Variants in TRAPPC8 observed in about 807,000 individuals in gnomAD.
TRAPPC8 encodes the protein general sporulation gene 1 homolog.
A neutral mutation model predicts 174.3 loss-of-function variants in TRAPPC8; 54 were observed. The ratio of observed to expected loss-of-function variants is 0.31; its 90% confidence interval spans 0.25 to 0.39. The LOEUF is 0.39. Among genes scored for constraint, TRAPPC8 ranks in the 10% least tolerant of loss-of-function variants. The pLI is 1.00. For missense variants in TRAPPC8, 1,531 were observed against 1,699.1 expected, an observed-to-expected ratio of 0.90 and a Z score of 1.74; for synonymous variants, 630 against 579.9, an observed-to-expected ratio of 1.09 and a Z score of -1.24.
At position 31,871,123 on chromosome 18, in the gene TRAPPC8, A is replaced by G; in HGVS notation, c.2063-3T>C. 6.7e-7 allele frequency: 1 copy of G among 1,487,722 alleles called. No individual in the cohort carries two copies. The highest frequency in any genetic ancestry group is 9.0e-7 in the Non-Finnish European group (1 of 1,105,948). 92.2% of individuals were successfully genotyped at this position (1,487,722 alleles called of 1,614,324 possible). A position where few individuals can be genotyped will look rare whatever the true frequency, so the allele number is the denominator to read the frequency against. On this transcript the variant is annotated splice_region_variant and splice_polypyrimidine_tract_variant and intron_variant, in intron 14 of 28. Coordinates refer to ENST00000283351, the MANE Select transcript of TRAPPC8 (RefSeq NM_014939.5). ...ATGAGTAGCTGCTTGTTTTTCACCT[A>G]AAAAAAATTTGTTAACAACACGTTT...
In TRAPPC8 at chr18:31,863,218, A is replaced by G. The variant is rs575727357; in HGVS notation, c.2745+1409T>C. Among the ~76,000 whole-genome samples the G allele has an allele frequency of 3.9e-5, 6 of 152,268 alleles. No individual in the cohort carries two copies. In the East Asian group the frequency reaches 5.8e-4, roughly 15 times the overall value. On this transcript the variant is annotated intron_variant, in intron 19 of 28. Transcript: ENST00000283351. ...TGCAAACATTAAAAAACAAAAACTG[A>G]TATTATCCAGAATGACACAGATGTA...
intron 24 of TRAPPC8, 118 bp downstream of exon 24, chr18:31,852,328 C>T (rs749075455): frequency 1.1e-5 from 12 of 1,113,030 alleles, no homozygotes; most frequent in Middle Eastern, 3.0e-4. Flanking sequence ...CAGAGCAAGA[C>T]CTTGTCTCCC....
At chr18:31,885,329 C>G (rs2035656267) in intron 12 of TRAPPC8, among the ~76,000 whole-genome samples, 1 of 152,076 alleles carries the variant, frequency 6.6e-6, no homozygotes, top group African/African-American at 2.4e-5. Context: ...TTGGGACAAT[C>G]TACAAAAATA....
intron 9 of TRAPPC8, among the ~76,000 whole-genome samples, chr18:31,902,598 T>C (rs1207365188): frequency 6.6e-6 from 1 of 152,160 alleles, no homozygotes; most frequent in Non-Finnish European, 1.5e-5. Context: ...ACAGTTTTGG[T>C]TGTGGTATCA....
At chr18:31,917,541 TATTTG>T in intron 3 of TRAPPC8, 32 bp downstream of exon 3, 1 of 1,554,902 alleles carries the variant, frequency 6.4e-7, no homozygotes, top group Non-Finnish European at 8.8e-7. Context: ...ACTTCCATAA[TATTTG>T]ATTTGAGGAG....
intron 27 of TRAPPC8, among the ~76,000 whole-genome samples, chr18:31,834,161 G>A (rs2032569035): frequency 6.6e-6 from 1 of 151,966 alleles, no homozygotes; most frequent in Non-Finnish European, 1.5e-5. Context: ...CCAGGCTGGA[G>A]TGCAGTGGCA....
At chr18:31,874,119 T>C (rs933202784) in intron 13 of TRAPPC8, 1 of 286,522 alleles carries the variant, frequency 3.5e-6, no homozygotes, top group African/African-American at 2.2e-5. Context: ...ACATAGAATG[T>C]CCATCTCCAA....
At chr18:31,836,317 T>C (rs1000068587) in intron 27 of TRAPPC8, among the ~76,000 whole-genome samples, 1 of 152,180 alleles carries the variant, frequency 6.6e-6, no homozygotes, top group Non-Finnish European at 1.5e-5. Context: ...AGAGTTTTGA[T>C]TTTGGAATGC....
chr18:31,932,691 C>T (rs892960354), intron 1 of TRAPPC8, among the ~76,000 whole-genome samples: 3 of 152,010 alleles, frequency 2.0e-5, no homozygotes, highest in African/African-American at 4.8e-5. Flanking sequence ...TAAAAGCAGT[C>T]CATTACAGGG....
At position 31,831,016 on chromosome 18, in the gene TRAPPC8, C is replaced by A. The variant is rs183875392; in HGVS notation, c.4074-27G>T. 9.5e-6 allele frequency: 15 copies of A among 1,573,286 alleles called. No individual in the cohort carries two copies. The Admixed American group carries it at 2.8e-4, about 29-fold the overall frequency. ...TAAGGGAGGAGGAAAATGTAAGTTG[C>A]AGGATTTTTTTCTTTTTAATTTTTT... On this transcript the variant is annotated intron_variant, in intron 28 of 28. Coordinates refer to ENST00000283351, the MANE Select transcript of TRAPPC8 (RefSeq NM_014939.5).
chr18:31,895,032 C>T (rs1406126065), intron 11 of TRAPPC8, among the ~76,000 whole-genome samples: 1 of 152,018 alleles, frequency 6.6e-6, no homozygotes, highest in Non-Finnish European at 1.5e-5. Context: ...TCTGAGAATC[C>T]CAGGGCATAA....
chr18:31,839,211 C>T (rs530744181), intron 27 of TRAPPC8, 101 bp downstream of exon 27: 2 of 1,156,556 alleles, frequency 1.7e-6, no homozygotes, highest in African/African-American at 3.1e-5. Context: ...TTCTAAATTT[C>T]CTCTTCAATA....
intron 12 of TRAPPC8, among the ~76,000 whole-genome samples, chr18:31,886,564 T>C (rs973165115): frequency 1.3e-5 from 2 of 152,158 alleles, no homozygotes; most frequent in African/African-American, 2.4e-5. Context: ...AACACAAAGG[T>C]TGTCTAATCA....
chr18:31,921,825 T>TTA (rs2037402984), intron 2 of TRAPPC8, among the ~76,000 whole-genome samples: 1 of 152,040 alleles, frequency 6.6e-6, no homozygotes, highest in Non-Finnish European at 1.5e-5. Flanking sequence ...GGTTATCCAA[T>TTA]TATATATATA....
chr18:31,921,887 T>G (rs1486146609), intron 2 of TRAPPC8, among the ~76,000 whole-genome samples: 1 of 152,222 alleles, frequency 6.6e-6, no homozygotes, highest in Non-Finnish European at 1.5e-5. Context: ...CACTTTCTTA[T>G]TGCCTGAAAA....
intron 26 of TRAPPC8, among the ~76,000 whole-genome samples, chr18:31,844,054 A>G (rs1329523623): frequency 1.3e-5 from 2 of 152,140 alleles, no homozygotes; most frequent in East Asian, 1.9e-4. Flanking sequence ...TGCCACCATA[A>G]TATCTTCTGG....
chr18:31,933,228 C>T (rs556906288), intron 1 of TRAPPC8, among the ~76,000 whole-genome samples: 8 of 139,590 alleles, frequency 5.7e-5, no homozygotes, highest in Middle Eastern at 4.5e-3. Flanking sequence ...GTGAACCCGG[C>T]GGGCGGAGCT....
intron 4 of TRAPPC8, among the ~76,000 whole-genome samples, chr18:31,915,410 C>G (rs2037088596): frequency 6.8e-6 from 1 of 147,260 alleles, no homozygotes; most frequent in South Asian, 2.2e-4. Context: ...CTGCAGTGAG[C>G]CAAGATCGTG....
intron 5 of TRAPPC8, among the ~76,000 whole-genome samples, chr18:31,911,475 G>A (rs1006606226): frequency 1.3e-4 from 19 of 150,202 alleles, no homozygotes; most frequent in South Asian, 6.4e-4. Flanking sequence ...ATTTCTGGCC[G>A]GGTGTGGTGG....
Sources: gnomAD v4.1 joint callset for allele counts (sites outside exome capture counted in the v4.1 genomes callset) on GRCh38, gnomAD v4.1.1 for gene constraint, MANE v1.5 for transcripts, NCBI Gene and HGNC (gene_info 2026-07-23, HGNC 2026-07-21) for gene names.